The following MYO18B variants were observed in gnomAD, a reference collection of about 807,000 sequenced individuals.
MYO18B encodes the protein myosin XVIIIB.
In MYO18B, 204 loss-of-function variants were observed where a neutral mutation model predicts 273.0. That is an observed-to-expected ratio of 0.75 (90% CI 0.67 to 0.84). The LOEUF (loss-of-function observed/expected upper bound fraction) is 0.84. MYO18B is among the 40% of genes least tolerant of loss of function. The probability of loss-of-function intolerance (pLI) is 0.00; values close to 1 mark genes in which losing one functional copy is unlikely to be tolerated. For missense variants in MYO18B, 3,212 were observed against 3,287.6 expected (o/e 0.98, Z 0.56); for synonymous variants, 1,330 against 1,305.7 (o/e 1.02, Z -0.40).
intron 34 of MYO18B, among the ~76,000 whole-genome samples, chr22:25,942,925 A>G (rs1178936693): frequency 6.6e-6 from 1 of 152,000 alleles, no homozygotes; most frequent in Non-Finnish European, 1.5e-5. Flanking sequence ...AGGGAAAGGA[A>G]AGAGCATTTC....
the MYO18B span, among the ~76,000 whole-genome samples, chr22:26,054,954 T>G: frequency 2.0e-5 from 3 of 152,096 alleles, no homozygotes; most frequent in Admixed American, 1.3e-4. Context: ...AACATAAACT[T>G]TCAAGCATCA....
chr22:25,962,170 T>TGGTG (rs1392352659), intron 39 of MYO18B, among the ~76,000 whole-genome samples: 1 of 152,222 alleles, frequency 6.6e-6, no homozygotes, highest in Admixed American at 6.5e-5. Flanking sequence ...ACTCCTTGAT[T>TGGTG]CACCGCCTTT....
chr22:25,871,367 C>G (rs891642503), intron 22 of MYO18B, among the ~76,000 whole-genome samples: 2 of 152,156 alleles, frequency 1.3e-5, no homozygotes, highest in Non-Finnish European at 2.9e-5. Context: ...ATACATTTGT[C>G]AGTGAGGCAA....
At chr22:26,046,171 G>T in the MYO18B span, among the ~76,000 whole-genome samples, 1 of 152,162 alleles carries the variant, frequency 6.6e-6, no homozygotes, top group East Asian at 1.9e-4. Context: ...AGGGGATGGG[G>T]GAGATTTTAT....
the MYO18B span, among the ~76,000 whole-genome samples, chr22:26,045,387 G>A: frequency 6.9e-6 from 1 of 145,418 alleles, no homozygotes. Context: ...AAAGGTGACA[G>A]AAGCAGAATT....
At chr22:25,826,675 C>T (rs1435895629) in intron 14 of MYO18B, among the ~76,000 whole-genome samples, 176 bp downstream of exon 14, 1 of 152,216 alleles carries the variant, frequency 6.6e-6, no homozygotes, top group Non-Finnish European at 1.5e-5. Flanking sequence ...GTCGGCAAAT[C>T]AGTTCACTTC....
chr22:25,814,149 G>C (rs902371722), intron 12 of MYO18B, among the ~76,000 whole-genome samples: 1 of 152,076 alleles, frequency 6.6e-6, no homozygotes, highest in Non-Finnish European at 1.5e-5. Context: ...GGACACCTGC[G>C]GGACCCTGAT....
At chr22:25,981,119 G>C (rs1178435344) in intron 39 of MYO18B, among the ~76,000 whole-genome samples, 2 of 152,172 alleles carry the variant, frequency 1.3e-5, no homozygotes, top group African/African-American at 4.8e-5. Flanking sequence ...ATTGGATTAG[G>C]ACCCATCCTG....
At chr22:25,764,396 CTT>C (rs1185574965) in intron 3 of MYO18B, among the ~76,000 whole-genome samples, 3 of 152,168 alleles carry the variant, frequency 2.0e-5, no homozygotes, top group Non-Finnish European at 4.4e-5. Flanking sequence ...AAGGGCATCT[CTT>C]TGTGTCTCCA....
At chr22:25,984,692 G>C (rs190698079) in intron 39 of MYO18B, among the ~76,000 whole-genome samples, 99 of 152,130 alleles carry the variant, frequency 6.5e-4, no homozygotes, top group African/African-American at 2.1e-3. Flanking sequence ...AGCTACTGAG[G>C]AGACTGAGAT....
In MYO18B at chr22:25,785,436, T is replaced by A. The variant is rs1476325875; in HGVS notation, c.2321T>A (p.Leu774Gln). 17 of 1,610,050 alleles carry A rather than the reference T, an allele frequency of 1.1e-5. No homozygotes were observed. Among genetic ancestry groups the A allele is most frequent in the Non-Finnish European group, 1.4e-5 (17 of 1,178,316 alleles). Reference protein sequence around the residue: ...AGLDLDLRTELNLHQMADSSS... With the variant: ...AGLDLDLRTEQNLHQMADSSS... Reference sequence around the variant, plus strand: ...TCCTTCTGTGCTTCCAGGACGGAGCTGAACCTGCACCAGATGGCAGATAGC... The same window carrying A: ...TCCTTCTGTGCTTCCAGGACGGAGCAGAACCTGCACCAGATGGCAGATAGC... The change falls in exon 11 of 44, where the codon CTG becomes CAG. Residue 774 changes from leucine (L) to glutamine (Q), a missense_variant. Coordinates refer to ENST00000335473, the MANE Select transcript of MYO18B (RefSeq NM_032608.7).
chr22:25,846,622 C>A (rs945533024), intron 19 of MYO18B, among the ~76,000 whole-genome samples: 2 of 152,210 alleles, frequency 1.3e-5, no homozygotes, highest in Non-Finnish European at 2.9e-5. Context: ...CTGCCTTGCT[C>A]ACCACTAGGT....
rs746107213 is a variant in MYO18B, at chr22:25,895,285, G to T, written c.4668+5G>T. On this transcript the variant is annotated splice_donor_5th_base_variant and intron_variant, in intron 28 of 43. Transcript: ENST00000335473. ...AGGAAAGAGCTGGAGCAAAAGGTAAGATGTGGGGATAGTCTGGGCCACAGA... is the reference window on the plus strand; with the variant it reads ...AGGAAAGAGCTGGAGCAAAAGGTAATATGTGGGGATAGTCTGGGCCACAGA... 1 of 1,592,418 alleles carries T rather than the reference G, an allele frequency of 6.3e-7. No individual in the cohort carries two copies. Among genetic ancestry groups the T allele is most frequent in the Non-Finnish European group, 8.6e-7 (1 of 1,169,548 alleles).
intron 21 of MYO18B, among the ~76,000 whole-genome samples, chr22:25,862,414 G>T (rs1002384470): frequency 1.3e-5 from 2 of 152,122 alleles, no homozygotes; most frequent in Admixed American, 6.5e-5. Flanking sequence ...GTTTTCCCAT[G>T]CTCTTTAGTC....
chr22:25,876,122 C>T (rs1340269440), intron 23 of MYO18B, 67 bp from the exon 24 acceptor site: 3 of 1,540,782 alleles, frequency 1.9e-6, no homozygotes, highest in Admixed American at 3.6e-5. Flanking sequence ...CCCTCTGCCT[C>T]CTCTCCTTCC....
chr22:26,047,809 T>G, the MYO18B span, among the ~76,000 whole-genome samples: 6 of 152,244 alleles, frequency 3.9e-5, no homozygotes, highest in Non-Finnish European at 8.8e-5. Context: ...CTAGAAATGT[T>G]AAACCTATTC....
chr22:25,782,980 T>A (rs561015179), intron 10 of MYO18B, among the ~76,000 whole-genome samples: 16 of 152,356 alleles, frequency 1.1e-4, no homozygotes, highest in African/African-American at 3.4e-4. Flanking sequence ...TGTGTGACCT[T>A]GAGCTAATGA....
intron 1 of MYO18B, among the ~76,000 whole-genome samples, chr22:25,753,865 A>G (rs1364441296): frequency 6.6e-6 from 1 of 152,200 alleles, no homozygotes; most frequent in African/African-American, 2.4e-5. Context: ...GTTAACACTC[A>G]CTGCGAGGGT....
intron 5 of MYO18B, 91 bp downstream of exon 5, chr22:25,770,267 C>T: frequency 7.6e-7 from 1 of 1,321,570 alleles, no homozygotes; most frequent in East Asian, 2.3e-5. Context: ...CCTGATTATA[C>T]TTTGGTGGTC....
Sources: allele counts gnomAD v4.1 joint callset (sites outside exome capture counted in the v4.1 genomes callset), GRCh38; gene constraint gnomAD v4.1.1; transcripts MANE v1.5; gene names NCBI Gene and HGNC (gene_info 2026-07-23, HGNC 2026-07-21).